Variants in COLGALT2 observed in about 807,000 individuals in gnomAD.
COLGALT2 encodes procollagen galactosyltransferase 2.
Under a neutral mutation model 73.4 loss-of-function variants are expected in COLGALT2, and 49 were observed. That is an observed-to-expected ratio of 0.67 (90% CI 0.53 to 0.85). The LOEUF (loss-of-function observed/expected upper bound fraction) is 0.85, where lower values mean the gene tolerates loss of function less well. Ranked by LOEUF, COLGALT2 falls within the 40% of genes least tolerant of loss-of-function variation. The pLI is 0.00. For missense variants in COLGALT2, 722 were observed against 790.2 expected (o/e 0.91, Z 1.03); for synonymous variants, 295 against 307.6 (o/e 0.96, Z 0.43).
intron 6 of COLGALT2, among the ~76,000 whole-genome samples, chr1:183,961,032 C>A (rs1279677605): frequency 1.3e-5 from 2 of 152,308 alleles, no homozygotes; most frequent in Non-Finnish European, 2.9e-5. Flanking sequence ...TCATTACCAA[C>A]TTTTTATCAA....
intron 1 of COLGALT2, among the ~76,000 whole-genome samples, chr1:183,978,902 A>G (rs889284500): frequency 6.6e-6 from 1 of 152,206 alleles, no homozygotes; most frequent in African/African-American, 2.4e-5. Flanking sequence ...TGTAAACTCC[A>G]CCTTTTAACT....
intron 1 of COLGALT2, among the ~76,000 whole-genome samples, chr1:184,029,341 C>T (rs1649431492): frequency 6.6e-6 from 1 of 152,248 alleles, no homozygotes; most frequent in African/African-American, 2.4e-5. Context: ...CACTCGCTGG[C>T]AGCTTGCCAA....
intron 1 of COLGALT2, among the ~76,000 whole-genome samples, chr1:184,001,992 C>A (rs1393091275): frequency 6.6e-6 from 1 of 152,224 alleles, no homozygotes; most frequent in Non-Finnish European, 1.5e-5. Context: ...CTTTGAATGA[C>A]AAAGTTTAAA....
At position 183,937,246 on chromosome 1, in the gene COLGALT2, G is replaced by C. The variant is rs1413840203; in HGVS notation, c.*1515C>G. ...CATATGGCTGCATGGTGCATGGACA[G>C]TGATGAGGAACGGTGCTGGTATGGG... On this transcript the variant is annotated 3_prime_UTR_variant, in exon 12 of 12. Coordinates refer to ENST00000361927, the MANE Select transcript of COLGALT2 (RefSeq NM_015101.4). 1.5e-5 allele frequency: 18 copies of C among 1,188,962 alleles called. No homozygotes were observed. The highest frequency in any genetic ancestry group is 1.9e-5 in the Non-Finnish European group (18 of 961,386). 73.7% of individuals were successfully genotyped at this position (1,188,962 alleles called of 1,614,324 possible).
At position 183,938,509 on chromosome 1, in the gene COLGALT2, G is replaced by T; in HGVS notation, c.*252C>A. The T allele has an allele frequency of 7.4e-7, 1 of 1,358,656 alleles. No homozygotes were observed. The highest frequency in any genetic ancestry group is 9.5e-7 in the Non-Finnish European group (1 of 1,054,488). 84.2% of individuals were successfully genotyped at this position (1,358,656 alleles called of 1,614,324 possible). On this transcript the variant is annotated 3_prime_UTR_variant, in exon 12 of 12. Coordinates refer to ENST00000361927, the MANE Select transcript of COLGALT2 (RefSeq NM_015101.4). Reference sequence around the variant, plus strand: ...AGTGAACTGAAGAATTAGGTGTCTGGATTACAGTTTATCTTAACAGTTTCC... The same window carrying T: ...AGTGAACTGAAGAATTAGGTGTCTGTATTACAGTTTATCTTAACAGTTTCC...
In COLGALT2 at chr1:183,936,362, G is replaced by A; in HGVS notation, c.*2399C>T. On this transcript the variant is annotated 3_prime_UTR_variant, in exon 12 of 12. Coordinates refer to ENST00000361927, the MANE Select transcript of COLGALT2 (RefSeq NM_015101.4). ...ACAGTGTTCACCAGAAAAGAACACTGCTTGGGATTCTAGACCTGAGCAGGG... is the reference window on the plus strand; with the variant it reads ...ACAGTGTTCACCAGAAAAGAACACTACTTGGGATTCTAGACCTGAGCAGGG... 1.0e-6 allele frequency: 1 copy of A among 985,872 alleles called. No individual in the cohort carries two copies. Among genetic ancestry groups the A allele is most frequent in the Non-Finnish European group, 1.2e-6 (1 of 829,976 alleles). 61.1% of individuals were successfully genotyped at this position (985,872 alleles called of 1,614,324 possible). A position where few individuals can be genotyped will look rare whatever the true frequency, so the allele number is the denominator to read the frequency against.
chr1:184,022,284 C>T (rs749765794), intron 1 of COLGALT2, among the ~76,000 whole-genome samples: 1 of 151,940 alleles, frequency 6.6e-6, no homozygotes, highest in African/African-American at 2.4e-5. Context: ...AACTAAGGAG[C>T]CTGAAGAAAG....
Position 183,944,248 on chromosome 1 carries a change from GCTT to G in COLGALT2, c.1342_1344del (p.Lys448del). On this transcript the variant is annotated inframe_deletion, in exon 10 of 12. Coordinates refer to ENST00000361927, the MANE Select transcript of COLGALT2 (RefSeq NM_015101.4). Reference sequence around the variant, plus strand: ...TCAATGTTATCCATCAGCTTCATCAGCTTCTTCTTAAACTGATGCTCAAAACGC... The same window carrying G: ...TCAATGTTATCCATCAGCTTCATCAGCTTCTTAAACTGATGCTCAAAACGC... 1 of 1,613,942 alleles carries G rather than the reference GCTT, an allele frequency of 6.2e-7. No individual in the cohort carries two copies. The highest frequency in any genetic ancestry group is 8.5e-7 in the Non-Finnish European group (1 of 1,179,954).
At chr1:184,034,880 C>T (rs1057236818) in intron 1 of COLGALT2, among the ~76,000 whole-genome samples, 47 of 152,192 alleles carry the variant, frequency 3.1e-4, no homozygotes, top group African/African-American at 1.1e-3. Flanking sequence ...AATGAGTTAA[C>T]AGTGCATGGA....
rs1670227228 is a variant in COLGALT2, at chr1:183,945,560, G to GT, written c.1140dup (p.Leu381ThrfsTer12). On this transcript the variant is annotated frameshift_variant, in exon 9 of 12. Coordinates refer to ENST00000361927, the MANE Select transcript of COLGALT2 (RefSeq NM_015101.4). LOFTEE classifies it high-confidence loss of function. ...AGTGCCTTCAGCTGGCTTGTGTTGA[G>GT]TGCCCTGCATCACATAAAACACGTC... 1.9e-6 allele frequency: 3 copies of GT among 1,613,986 alleles called. No individual in the cohort carries two copies. In the South Asian group the frequency reaches 3.3e-5, roughly 18 times the overall value.
At chr1:184,035,192 T>C (rs1161408386) in intron 1 of COLGALT2, among the ~76,000 whole-genome samples, 4 of 152,248 alleles carry the variant, frequency 2.6e-5, no homozygotes, top group Non-Finnish European at 2.9e-5. Context: ...AGGATGTACA[T>C]TGATGCTGGT....
At chr1:183,953,427 G>C (rs540891206) in intron 7 of COLGALT2, among the ~76,000 whole-genome samples, 6 of 152,262 alleles carry the variant, frequency 3.9e-5, no homozygotes, top group Admixed American at 3.9e-4. Flanking sequence ...GCCCAAAGAA[G>C]ACCGGAACTG....
chr1:183,947,987 C>A (rs1670295956), intron 8 of COLGALT2, among the ~76,000 whole-genome samples: 1 of 151,778 alleles, frequency 6.6e-6, no homozygotes, highest in Admixed American at 6.6e-5. Flanking sequence ...AATTAGATAA[C>A]CTAGATGAAA....
intron 1 of COLGALT2, among the ~76,000 whole-genome samples, chr1:184,011,219 G>A (rs555667216): frequency 6.6e-6 from 1 of 152,294 alleles, no homozygotes; most frequent in South Asian, 2.1e-4. Context: ...TTAAGACACT[G>A]TTCACAGCTG....
At chr1:184,004,666 C>T (rs1444334322) in intron 1 of COLGALT2, among the ~76,000 whole-genome samples, 1 of 152,152 alleles carries the variant, frequency 6.6e-6, no homozygotes, top group East Asian at 1.9e-4. Context: ...GGGACAATGG[C>T]CCTTGGTAGA....
Position 183,976,289 on chromosome 1 carries a change from A to G in COLGALT2, c.375-1075T>C, listed in dbSNP as rs142154062. On this transcript the variant is annotated intron_variant, in intron 2 of 11. Coordinates refer to ENST00000361927, the MANE Select transcript of COLGALT2 (RefSeq NM_015101.4). Reference sequence around the variant, plus strand: ...CAATCTTTTACGGTGTTCAGACTTCACTGTTAAATTTTGCTTGATATACAG... The same window carrying G: ...CAATCTTTTACGGTGTTCAGACTTCGCTGTTAAATTTTGCTTGATATACAG... Among the ~76,000 whole-genome samples, 16 of 151,742 alleles carry G rather than the reference A, an allele frequency of 1.1e-4. No homozygotes were observed. In the East Asian group the frequency reaches 3.1e-3, roughly 29 times the overall value.
At chr1:184,023,132 C>A (rs963760629) in intron 1 of COLGALT2, among the ~76,000 whole-genome samples, 2 of 152,202 alleles carry the variant, frequency 1.3e-5, no homozygotes, top group South Asian at 4.1e-4. Context: ...CAAAGAGTTA[C>A]TAAGGGGAAG....
chr1:183,998,532 T>C (rs1169858392), intron 1 of COLGALT2, among the ~76,000 whole-genome samples: 1 of 152,180 alleles, frequency 6.6e-6, no homozygotes, highest in Non-Finnish European at 1.5e-5. Flanking sequence ...TCTTATTGTT[T>C]TGCTTTTTGA....
At chr1:183,993,544 T>C (rs1671687738) in intron 1 of COLGALT2, among the ~76,000 whole-genome samples, 1 of 152,052 alleles carries the variant, frequency 6.6e-6, no homozygotes, top group African/African-American at 2.4e-5. Flanking sequence ...CAACCTCCCT[T>C]TCAGACCCAA....
Sources: gnomAD v4.1 joint callset for allele counts (sites outside exome capture counted in the v4.1 genomes callset) on GRCh38, gnomAD v4.1.1 for gene constraint, MANE v1.5 for transcripts, NCBI Gene and HGNC (gene_info 2026-07-23, HGNC 2026-07-21) for gene names.